AGBL1: variants seen among roughly 807,000 people sequenced by gnomAD.
The protein encoded by AGBL1 is cytosolic carboxypeptidase 4.
Under a neutral mutation model 118.9 loss-of-function variants are expected in AGBL1, and 130 were observed. The observed-to-expected ratio is 1.09, with a 90% CI of 0.95 to 1.26. AGBL1 has a LOEUF of 1.26. Among genes scored for constraint, AGBL1 ranks in the 50% most tolerant of loss-of-function variants. AGBL1 has a pLI of 0.00. For synonymous variants in AGBL1, 555 were observed against 478.9 expected (o/e 1.16, Z -2.08); for missense variants, 1,584 against 1,298.1 (o/e 1.22, Z -3.38).
At chr15:86,420,502 G>T (rs1286897949) in intron 18 of AGBL1, among the ~76,000 whole-genome samples, 1 of 152,164 alleles carries the variant, frequency 6.6e-6, no homozygotes, top group East Asian at 1.9e-4. Context: ...AATGCACAAA[G>T]ATGAGGAAAA....
chr15:86,480,560 A>C (rs1037190115), intron 18 of AGBL1, among the ~76,000 whole-genome samples: 2 of 152,086 alleles, frequency 1.3e-5, no homozygotes, highest in Non-Finnish European at 2.9e-5. Context: ...AGTTTATTTG[A>C]ATCTAGTACT....
intron 17 of AGBL1, among the ~76,000 whole-genome samples, chr15:86,372,274 ATAAGT>A (rs1163950372): frequency 2.6e-5 from 4 of 152,228 alleles, no homozygotes; most frequent in African/African-American, 9.6e-5. Context: ...CAAATGTAAC[ATAAGT>A]TAAGGTCAAA....
In AGBL1 at chr15:86,423,326, A is replaced by G. The variant is rs188310204; in HGVS notation, c.2555+25780A>G. On this transcript the variant is annotated intron_variant, in intron 18 of 22. Coordinates refer to ENST00000614907, the MANE Select transcript of AGBL1 (RefSeq NM_001386094.1). Reference sequence around the variant, plus strand: ...AGAAACAGAACCAATGACAAAAACCACATGATTATCTCAGTAGATGCAGAA... The same window carrying G: ...AGAAACAGAACCAATGACAAAAACCGCATGATTATCTCAGTAGATGCAGAA... 3.2e-3 allele frequency among the ~76,000 whole-genome samples: 483 copies of G among 152,318 alleles called. 1 individual carries two copies. Among genetic ancestry groups the G allele is most frequent in the African/African-American group, 0.011 (456 of 41,568 alleles).
At chr15:86,326,641 A>T (rs1001129600) in intron 17 of AGBL1, among the ~76,000 whole-genome samples, 2 of 152,094 alleles carry the variant, frequency 1.3e-5, no homozygotes, top group African/African-American at 4.8e-5. Context: ...AGCAATAATT[A>T]GAGTATTCAG....
intron 22 of AGBL1, among the ~76,000 whole-genome samples, chr15:86,850,820 AAAAACAAAAC>A (rs964263895): frequency 4.3e-5 from 5 of 116,442 alleles, no homozygotes; most frequent in Admixed American, 8.0e-5. Flanking sequence ...CCAAAAGCTA[AAAAACAAAAC>A]AAAACAAAAT....
At chr15:86,738,105 T>C (rs139549041) in intron 22 of AGBL1, among the ~76,000 whole-genome samples, 14 of 152,196 alleles carry the variant, frequency 9.2e-5, no homozygotes, top group African/African-American at 3.4e-4. Context: ...GATAAAAATA[T>C]GGGATCTTTA....
intron 24 of AGBL1, among the ~76,000 whole-genome samples, chr15:86,996,038 C>T (rs954774719): frequency 6.6e-6 from 1 of 152,132 alleles, no homozygotes; most frequent in African/African-American, 2.4e-5. Flanking sequence ...TCATTTTTTA[C>T]CCTGTTCCCA....
intron 18 of AGBL1, among the ~76,000 whole-genome samples, chr15:86,431,497 C>T (rs553200600): frequency 2.6e-4 from 39 of 152,280 alleles, no homozygotes; most frequent in African/African-American, 9.1e-4. Context: ...CCAACCTTTG[C>T]GCTAATGCCG....
intron 18 of AGBL1, among the ~76,000 whole-genome samples, chr15:86,510,016 A>G (rs1873709002): frequency 6.6e-6 from 1 of 151,150 alleles, no homozygotes; most frequent in African/African-American, 2.4e-5. Context: ...CAGGAAATCA[A>G]GGAAAAGGAA....
intron 18 of AGBL1, among the ~76,000 whole-genome samples, chr15:86,507,401 C>T (rs1295556385): frequency 2.6e-5 from 4 of 152,028 alleles, no homozygotes; most frequent in African/African-American, 7.2e-5. Flanking sequence ...CATTCTTTAT[C>T]GATAAGGTGA....
intron 1 of AGBL1, among the ~76,000 whole-genome samples, chr15:86,104,586 C>T (rs564214098): frequency 4.6e-5 from 7 of 152,182 alleles, no homozygotes; most frequent in African/African-American, 1.7e-4. Context: ...CACAGAGGTC[C>T]TACTGGGAGT....
chr15:86,627,687 AG>A (rs1301266139), intron 21 of AGBL1, among the ~76,000 whole-genome samples: 9 of 152,376 alleles, frequency 5.9e-5, no homozygotes. Context: ...AAAGAAAGAA[AG>A]TAAAGCTAAT....
intron 22 of AGBL1, among the ~76,000 whole-genome samples, chr15:86,758,232 C>T (rs1031278714): frequency 1.3e-5 from 2 of 152,058 alleles, no homozygotes; most frequent in African/African-American, 4.8e-5. Flanking sequence ...AATGGCCTTC[C>T]TTTCATTTCC....
At chr15:87,009,536 G>A (rs1356111795) in intron 24 of AGBL1, among the ~76,000 whole-genome samples, 3 of 152,196 alleles carry the variant, frequency 2.0e-5, no homozygotes. Context: ...CCCCACTGGG[G>A]CACTGCCCAG....
intron 23 of AGBL1, among the ~76,000 whole-genome samples, chr15:86,924,362 G>C (rs2080509912): frequency 6.6e-6 from 1 of 152,220 alleles, no homozygotes; most frequent in South Asian, 2.1e-4. Flanking sequence ...AGAATGCTTT[G>C]AGGCTCAATT....
At chr15:86,310,360 G>T (rs2079901752) in intron 17 of AGBL1, among the ~76,000 whole-genome samples, 2 of 151,464 alleles carry the variant, frequency 1.3e-5, no homozygotes, top group African/African-American at 2.4e-5. Flanking sequence ...TTATTTTTTT[G>T]AAAAAGCAAC....
At chr15:86,292,769 G>A (rs889080811) in intron 16 of AGBL1, among the ~76,000 whole-genome samples, 12 of 151,836 alleles carry the variant, frequency 7.9e-5, no homozygotes, top group Non-Finnish European at 1.5e-5. Context: ...GTGAGAAGAG[G>A]GATTCAAAGA....
intron 22 of AGBL1, among the ~76,000 whole-genome samples, chr15:86,878,965 G>C (rs1277614321): frequency 1.3e-5 from 2 of 152,210 alleles, no homozygotes; most frequent in African/African-American, 4.8e-5. Context: ...TGCTGTTCCA[G>C]TTCACAGCAC....
At chr15:86,140,848 C>T (rs546065483) in intron 1 of AGBL1, among the ~76,000 whole-genome samples, 18 of 152,272 alleles carry the variant, frequency 1.2e-4, no homozygotes, top group African/African-American at 4.1e-4. Context: ...GATGAAACAT[C>T]TATTTCAGGC....
Sources: gnomAD v4.1 joint callset for allele counts (sites outside exome capture counted in the v4.1 genomes callset) on GRCh38, gnomAD v4.1.1 for gene constraint, MANE v1.5 for transcripts, NCBI Gene and HGNC (gene_info 2026-07-23, HGNC 2026-07-21) for gene names.